SCFD1: variants seen among roughly 807,000 people sequenced by gnomAD.
The protein encoded by SCFD1 is sec1 family domain containing 1, also known as sec1 family domain-containing protein 1.
A neutral mutation model predicts 103.2 loss-of-function variants in SCFD1; 37 were observed. That is an observed-to-expected ratio of 0.36 (90% CI 0.28 to 0.47). The LOEUF (loss-of-function observed/expected upper bound fraction) is 0.47, where lower values mean the gene tolerates loss of function less well. Among genes scored for constraint, SCFD1 ranks in the 20% least tolerant of loss-of-function variants. The pLI is 1.00. For synonymous variants in SCFD1, 264 were observed against 245.0 expected (o/e 1.08, Z -0.73); for missense variants, 639 against 761.2 (o/e 0.84, Z 1.89).
intron 10 of SCFD1, among the ~76,000 whole-genome samples, chr14:30,664,187 T>G (rs1594643111): frequency 1.3e-5 from 2 of 152,060 alleles, no homozygotes; most frequent in African/African-American, 2.4e-5. Context: ...AGAGGAAGGA[T>G]CAGGCAGCAA....
At chr14:30,636,954 A>G (rs1306936636) in intron 4 of SCFD1, among the ~76,000 whole-genome samples, 1 of 152,044 alleles carries the variant, frequency 6.6e-6, no homozygotes, top group Non-Finnish European at 1.5e-5. Flanking sequence ...TTCTGGCACA[A>G]TAAGATGTTC....
chr14:30,647,943 G>T (rs891863641), intron 7 of SCFD1, among the ~76,000 whole-genome samples: 1 of 152,180 alleles, frequency 6.6e-6, no homozygotes, highest in Non-Finnish European at 1.5e-5. Flanking sequence ...GAGCCACCAT[G>T]CCCGGCCAGT....
chr14:30,670,501 A>C, intron 11 of SCFD1, 106 bp downstream of exon 11: 1 of 701,878 alleles, frequency 1.4e-6, no homozygotes. Flanking sequence ...AGGTTCGTTC[A>C]CCCAATGAGT....
At chr14:30,675,202 T>C (rs2139226901) in intron 14 of SCFD1, 137 bp downstream of exon 14, 1 of 454,054 alleles carries the variant, frequency 2.2e-6, no homozygotes. Context: ...ACAGCAGTAT[T>C]ATAGTTATTT....
chr14:30,623,451 A>G (rs780784256), intron 1 of SCFD1, among the ~76,000 whole-genome samples: 8 of 152,232 alleles, frequency 5.3e-5, no homozygotes, highest in Non-Finnish European at 1.0e-4. Flanking sequence ...TTTCCCAGTA[A>G]ATAATTTAGT....
chr14:30,678,030 G>A (rs1376397160), intron 14 of SCFD1, among the ~76,000 whole-genome samples: 3 of 151,600 alleles, frequency 2.0e-5, no homozygotes, highest in Admixed American at 2.0e-4. Context: ...AGTAGAGACA[G>A]GATTTCACCA....
Position 30,691,252 on chromosome 14 carries a change from A to G in SCFD1, c.1243-3521A>G, listed in dbSNP as rs1320668388. On this transcript the variant is annotated intron_variant, in intron 14 of 24. Transcript: ENST00000458591. ...ATGAGATTAATAATTCCTAGCTCAT[A>G]GTGTTATTTGGAGAATTAAATGAGA... Among the ~76,000 whole-genome samples, 3 of 152,218 alleles carry G rather than the reference A, an allele frequency of 2.0e-5. No homozygotes were observed. The East Asian group carries it at 5.8e-4, about 29-fold the overall frequency.
rs1375584626 is a variant in SCFD1, at chr14:30,622,328, T to G, written c.-11T>G. On this transcript the variant is annotated 5_prime_UTR_variant, in exon 1 of 25. Transcript: ENST00000458591. Reference sequence around the variant, plus strand: ...CGCTCCCCAGCCGGGCAGTGGCTCGTGGGAGCCAAGATGGCGGCGGCGGCG... The same window carrying G: ...CGCTCCCCAGCCGGGCAGTGGCTCGGGGGAGCCAAGATGGCGGCGGCGGCG... The G allele has an allele frequency of 6.3e-7, 1 of 1,584,472 alleles. No homozygotes were observed. Among genetic ancestry groups the G allele is most frequent in the South Asian group, 1.1e-5 (1 of 87,248 alleles).
intron 23 of SCFD1, among the ~76,000 whole-genome samples, chr14:30,725,248 G>A (rs376720114): frequency 1.1e-3 from 166 of 152,202 alleles, no homozygotes; most frequent in African/African-American, 3.8e-3. Context: ...AATAGGAATA[G>A]CATTGAATCT....
At chr14:30,653,692 T>C in intron 10 of SCFD1, 104 bp downstream of exon 10, 1 of 741,512 alleles carries the variant, frequency 1.3e-6, no homozygotes, top group South Asian at 1.8e-5. Context: ...ATGAGAAGGA[T>C]GGAACTGAGA....
chr14:30,634,003 T>G lies in SCFD1; in HGVS notation c.278T>G (p.Met93Arg). The G allele has an allele frequency of 1.2e-6, 2 of 1,600,750 alleles. No individual in the cohort carries two copies. Among genetic ancestry groups the G allele is most frequent in the Non-Finnish European group, 1.7e-6 (2 of 1,171,090 alleles). ...IPDVPAVYFV[M>R]PTEENIDRMC... ...GATGTTCCTGCAGTATACTTTGTAATGCCAACTGAAGAAAATATTGACAGA... is the reference window on the plus strand; with the variant it reads ...GATGTTCCTGCAGTATACTTTGTAAGGCCAACTGAAGAAAATATTGACAGA... The change falls in exon 4 of 25, where the codon ATG becomes AGG. Residue 93 changes from methionine (M) to arginine (R), a missense_variant. Met to Arg is a moderately conservative substitution (Grantham distance 91, BLOSUM62 -1). Transcript: ENST00000458591.
At chr14:30,703,312 G>T (rs1452017332) in intron 17 of SCFD1, among the ~76,000 whole-genome samples, 1 of 148,430 alleles carries the variant, frequency 6.7e-6, no homozygotes, top group East Asian at 2.0e-4. Context: ...AAAGCATCTA[G>T]TAGGCAGTCA....
intron 7 of SCFD1, among the ~76,000 whole-genome samples, chr14:30,648,756 G>A (rs1204640901): frequency 6.6e-6 from 1 of 152,082 alleles, no homozygotes; most frequent in Non-Finnish European, 1.5e-5. Context: ...GAGTAGCTGG[G>A]AACACAGGCA....
At position 30,695,400 on chromosome 14, in the gene SCFD1, A is replaced by C. The variant is rs151227027; in HGVS notation, c.1339+531A>C. ...ATCTATGGAGGCCAATATGTTAAGCAAAAGAAGCCAGGCGCAGAAAGACAA... is the reference window on the plus strand; with the variant it reads ...ATCTATGGAGGCCAATATGTTAAGCCAAAGAAGCCAGGCGCAGAAAGACAA... On this transcript the variant is annotated intron_variant, in intron 15 of 24. Transcript: ENST00000458591. Among the ~76,000 whole-genome samples, 131 of 152,324 alleles carry C rather than the reference A, an allele frequency of 8.6e-4. 1 individual carries two copies. The highest frequency in any genetic ancestry group is 3.0e-3 in the African/African-American group (125 of 41,574).
rs531743960 is a variant in SCFD1 at position 30,709,056 on chromosome 14, T to C, written c.1629+991T>C. On this transcript the variant is annotated intron_variant, in intron 19 of 24. Transcript: ENST00000458591. ...TATCCCATTTGTGTTTTTTATTTAC[T>C]TTTACTGGAATATTTTAAGGCAAAA... Among the ~76,000 whole-genome samples, 14 of 152,312 alleles carry C rather than the reference T, an allele frequency of 9.2e-5. No homozygotes were observed. The East Asian group carries it at 2.7e-3, about 29-fold the overall frequency.
At chr14:30,712,811 T>C (rs1407210877) in intron 19 of SCFD1, among the ~76,000 whole-genome samples, 1 of 152,004 alleles carries the variant, frequency 6.6e-6, no homozygotes, top group Non-Finnish European at 1.5e-5. Context: ...TATACAATAA[T>C]GTTTTCCATT....
chr14:30,625,214 G>A (rs781249206), intron 1 of SCFD1, among the ~76,000 whole-genome samples: 6 of 139,252 alleles, frequency 4.3e-5, no homozygotes, highest in East Asian at 4.5e-4. Context: ...CTCATCAAAC[G>A]TGTTGAATGA....
At chr14:30,696,894 A>G (rs1341814251) in intron 15 of SCFD1, among the ~76,000 whole-genome samples, 1 of 152,204 alleles carries the variant, frequency 6.6e-6, no homozygotes, top group Non-Finnish European at 1.5e-5. Flanking sequence ...AATATATTGG[A>G]TAATATAAAG....
At chr14:30,626,787 G>T (rs1377874493) in intron 1 of SCFD1, among the ~76,000 whole-genome samples, 3 of 152,072 alleles carry the variant, frequency 2.0e-5, no homozygotes, top group African/African-American at 7.2e-5. Flanking sequence ...GAGGCAATAA[G>T]GGTTCGGCAC....
Sources: gnomAD v4.1 joint callset for allele counts (sites outside exome capture counted in the v4.1 genomes callset) on GRCh38, gnomAD v4.1.1 for gene constraint, MANE v1.5 for transcripts, NCBI Gene and HGNC (gene_info 2026-07-23, HGNC 2026-07-21) for gene names.